ERCC8: variants seen among roughly 807,000 people sequenced by gnomAD.
ERCC8 encodes the protein DNA excision repair protein ERCC-8.
Under a neutral mutation model 54.9 loss-of-function variants are expected in ERCC8, and 52 were observed. The observed-to-expected ratio is 0.95, with a 90% confidence interval of 0.76 to 1.19. The LOEUF (loss-of-function observed/expected upper bound fraction) is 1.19, where lower values mean the gene tolerates loss of function less well. Among genes scored for constraint, ERCC8 ranks in the 50% most tolerant of loss-of-function variants. The pLI is 0.00. For synonymous variants in ERCC8, 146 were observed against 157.2 expected (o/e 0.93, Z 0.53); for missense variants, 514 against 466.1 (o/e 1.10, Z -0.95).
chr5:60,880,679 C>T (rs890357738), intron 11 of ERCC8, among the ~76,000 whole-genome samples: 11 of 152,220 alleles, frequency 7.2e-5, no homozygotes, highest in Admixed American at 1.3e-4. Flanking sequence ...CTTGAACATT[C>T]ATCACGTAGT....
At chr5:60,906,349 T>C (rs1404346806) in intron 4 of ERCC8, among the ~76,000 whole-genome samples, 1 of 151,156 alleles carries the variant, frequency 6.6e-6, no homozygotes, top group Non-Finnish European at 1.5e-5. Flanking sequence ...TTTAGCAGAA[T>C]TCAGGCTTGT....
At position 60,871,033 on chromosome 5, in the gene ERCC8, G is replaced by A. The variant is rs1007786239; in HGVS notation, c.*3582C>T. 6.6e-6 allele frequency among the ~76,000 whole-genome samples: 1 copy of A among 152,082 alleles called. No homozygotes were observed. The highest frequency in any genetic ancestry group is 1.5e-5 in the Non-Finnish European group (1 of 68,006). On this transcript the variant is annotated 3_prime_UTR_variant, in exon 12 of 12. Coordinates refer to ENST00000676185, the MANE Select transcript of ERCC8 (RefSeq NM_000082.4). ...CAATACCAGAAGCTAGAAAAAAGTGGGCACAATATCTATAGACCAACAAAA... is the reference window on the plus strand; with the variant it reads ...CAATACCAGAAGCTAGAAAAAAGTGAGCACAATATCTATAGACCAACAAAA...
In ERCC8 at chr5:60,899,716, C is replaced by G. The variant is rs777918748; in HGVS notation, c.629G>C (p.Arg210Thr). The change falls in exon 8 of 12, where the codon AGA (arginine) becomes ACA (threonine). Residue 210 changes from arginine to threonine, a missense_variant. Coordinates refer to ENST00000676185, the MANE Select transcript of ERCC8 (RefSeq NM_000082.4). ...YILATASADS[R>T]VKLWDVRRAS... The stretch of plus-strand genomic sequence containing the variant: ...TCTTCTCACATCCCATAATTTTACT[C>G]TACTGTCAGCACTGAGAAGAAATAA... 60 of 1,609,762 alleles carry G rather than the reference C, an allele frequency of 3.7e-5. No homozygotes were observed. The highest frequency in any genetic ancestry group is 4.9e-5 in the Non-Finnish European group (58 of 1,176,822).
At chr5:60,909,402 A>G (rs1285257349) in intron 4 of ERCC8, among the ~76,000 whole-genome samples, 2 of 152,068 alleles carry the variant, frequency 1.3e-5, no homozygotes, top group Non-Finnish European at 2.9e-5. Context: ...AGAACACACA[A>G]AAATTACGAT....
At chr5:60,927,681 C>A (rs1482467606) in intron 2 of ERCC8, among the ~76,000 whole-genome samples, 3 of 152,146 alleles carry the variant, frequency 2.0e-5, no homozygotes, top group Non-Finnish European at 4.4e-5. Flanking sequence ...TGACCAGCAT[C>A]CAAACCCAAA....
intron 11 of ERCC8, among the ~76,000 whole-genome samples, chr5:60,880,900 C>T (rs1748195330): frequency 6.6e-6 from 1 of 152,176 alleles, no homozygotes; most frequent in Non-Finnish European, 1.5e-5. Context: ...TGTTCTGTTG[C>T]TGGTGAGGAG....
chr5:60,906,949 A>AT (rs1749093505), intron 4 of ERCC8, among the ~76,000 whole-genome samples: 1 of 152,116 alleles, frequency 6.6e-6, no homozygotes, highest in African/African-American at 2.4e-5. Context: ...CAGTTTCAAT[A>AT]TTTGTGTCCA....
intron 5 of ERCC8, among the ~76,000 whole-genome samples, 162 bp downstream of exon 5, chr5:60,904,630 G>GTATATATATA (rs1453923345): frequency 4.5e-5 from 2 of 44,576 alleles, no homozygotes; most frequent in Admixed American, 5.2e-4. Context: ...TAGTGTGTGT[G>GTATATATATA]TGTGTATATA....
chr5:60,878,665 G>T (rs974764002), intron 11 of ERCC8, among the ~76,000 whole-genome samples: 3 of 152,176 alleles, frequency 2.0e-5, no homozygotes, highest in African/African-American at 4.8e-5. Context: ...GCATAGAGGT[G>T]TTTATAGTAT....
chr5:60,895,083 T>C (rs994260076), intron 9 of ERCC8, among the ~76,000 whole-genome samples: 7 of 150,474 alleles, frequency 4.7e-5, no homozygotes, highest in Admixed American at 3.3e-4. Flanking sequence ...AGAGAGAGAA[T>C]TGCTTGAACC....
intron 4 of ERCC8, among the ~76,000 whole-genome samples, chr5:60,913,559 A>AT (rs1211328535): frequency 6.6e-5 from 10 of 152,034 alleles, no homozygotes; most frequent in Admixed American, 2.0e-4. Flanking sequence ...GGATTCATTG[A>AT]TTTTTTGAAG....
At chr5:60,907,024 A>T (rs1320237612) in intron 4 of ERCC8, among the ~76,000 whole-genome samples, 1 of 152,214 alleles carries the variant, frequency 6.6e-6, no homozygotes, top group East Asian at 1.9e-4. Flanking sequence ...GACTTAGCCA[A>T]TCCCTTGCTC....
chr5:60,900,744 T>C (rs1201758376), intron 7 of ERCC8: 8 of 152,058 alleles, frequency 5.3e-5, no homozygotes, highest in Non-Finnish European at 1.0e-4. Flanking sequence ...GATTTGAACA[T>C]ATCCAACTTT....
In ERCC8 at chr5:60,880,546, T is replaced by G. The variant is rs371791493; in HGVS notation, c.1123-5863A>C. ...TCTTTTCACATAGTCCCATATTTCT[T>G]GGAGGCTTTGTTCATTTCTTTTTAT... On this transcript the variant is annotated intron_variant, in intron 11 of 11. Transcript: ENST00000676185. Among the ~76,000 whole-genome samples, 81 of 152,338 alleles carry G rather than the reference T, an allele frequency of 5.3e-4. 1 individual carries two copies. In the East Asian group the frequency reaches 0.013, roughly 24 times the overall value.
rs1747803374 is a variant in ERCC8, at chr5:60,868,697, G to C, written c.*5918C>G. On this transcript the variant is annotated 3_prime_UTR_variant, in exon 12 of 12. Transcript: ENST00000676185. Reference sequence around the variant, plus strand: ...GATTTGTAATAATTCTAAGCACCCAGGAGGTTTACAACAGTGATTCTAGGT... The same window carrying C: ...GATTTGTAATAATTCTAAGCACCCACGAGGTTTACAACAGTGATTCTAGGT... 6.6e-6 allele frequency among the ~76,000 whole-genome samples: 1 copy of C among 152,102 alleles called. No individual in the cohort carries two copies. Among genetic ancestry groups the C allele is most frequent in the Admixed American group, 6.6e-5 (1 of 15,262 alleles).
intron 11 of ERCC8, among the ~76,000 whole-genome samples, chr5:60,884,705 C>T (rs908089433): frequency 2.6e-5 from 4 of 151,924 alleles, no homozygotes; most frequent in Non-Finnish European, 4.4e-5. Context: ...ATCATGATCA[C>T]ATTCATGTTC....
rs1446440919 is a variant in ERCC8, at chr5:60,869,759, TA to T, written c.*4855del. On this transcript the variant is annotated 3_prime_UTR_variant, in exon 12 of 12. Transcript: ENST00000676185. ...AAAATGTGCATTTATTATTTCTACA[TA>T]TTTTTTTAAAACTAGGCATTTCATA... 5.3e-5 allele frequency among the ~76,000 whole-genome samples: 8 copies of T among 152,238 alleles called. No individual in the cohort carries two copies. Among genetic ancestry groups the T allele is most frequent in the African/African-American group, 1.9e-4 (8 of 41,470 alleles).
intron 11 of ERCC8, among the ~76,000 whole-genome samples, chr5:60,877,575 T>C (rs988034730): frequency 2.0e-5 from 3 of 152,124 alleles, no homozygotes; most frequent in Non-Finnish European, 4.4e-5. Flanking sequence ...TAGATCTCCT[T>C]GAAGAGGTCC....
intron 2 of ERCC8, among the ~76,000 whole-genome samples, chr5:60,925,651 T>C (rs553601591): frequency 8.9e-4 from 135 of 152,324 alleles, no homozygotes; most frequent in African/African-American, 3.1e-3. Context: ...ACAGATCTTT[T>C]AGTTGTCAGT....
Sources: allele counts gnomAD v4.1 joint callset (sites outside exome capture counted in the v4.1 genomes callset), GRCh38; gene constraint gnomAD v4.1.1; transcripts MANE v1.5; gene names NCBI Gene and HGNC (gene_info 2026-07-23, HGNC 2026-07-21).